The following MAPRE2 variants were observed in gnomAD, a reference collection of about 807,000 sequenced individuals.
The protein encoded by MAPRE2 is microtubule-associated protein RP/EB family member 2.
A neutral mutation model predicts 43.2 loss-of-function variants in MAPRE2; 13 were observed. That is an observed-to-expected ratio of 0.30 (90% CI 0.20 to 0.48). The LOEUF is 0.48. MAPRE2 is among the 20% of genes least tolerant of loss of function. The pLI is 0.99. For synonymous variants in MAPRE2, 135 were observed against 148.8 expected (o/e 0.91, Z 0.68); for missense variants, 161 against 400.2 (o/e 0.40, Z 5.10).
intron 1 of MAPRE2, among the ~76,000 whole-genome samples, chr18:35,051,298 C>T (rs1367998911): frequency 2.0e-5 from 3 of 152,106 alleles, no homozygotes; most frequent in Non-Finnish European, 1.5e-5. Flanking sequence ...AGAAGGGAAA[C>T]AGGACCAACA....
intron 1 of MAPRE2, chr18:34,978,529 CAG>C (rs1320361451): frequency 1.3e-6 from 2 of 1,551,662 alleles, no homozygotes; most frequent in Non-Finnish European, 8.7e-7. Context: ...TGAAACAGAA[CAG>C]AGATCAAAAG....
intron 2 of MAPRE2, among the ~76,000 whole-genome samples, chr18:35,029,903 G>C (rs1448366839): frequency 1.3e-5 from 2 of 152,206 alleles, no homozygotes; most frequent in African/African-American, 4.8e-5. Context: ...AATTATAACA[G>C]TCTTGGCATA....
chr18:34,997,504 TAGA>T (rs1166214940), intron 1 of MAPRE2, among the ~76,000 whole-genome samples: 1 of 152,174 alleles, frequency 6.6e-6, no homozygotes, highest in Non-Finnish European at 1.5e-5. Flanking sequence ...AGTGAACCTC[TAGA>T]AGAAGTAATA....
Position 35,140,550 on chromosome 18 carries a change from T to A in MAPRE2, c.*181T>A. On this transcript the variant is annotated 3_prime_UTR_variant, in exon 7 of 7. Transcript: ENST00000300249. The stretch of plus-strand genomic sequence containing the variant: ...TCCCATTTTCTTTGCCAAGGTGTAT[T>A]AGCGGACGGCCCTCTGGCCACCTAC... The A allele has an allele frequency of 1.6e-6, 1 of 624,240 alleles. No homozygotes were observed. Among genetic ancestry groups the A allele is most frequent in the Non-Finnish European group, 2.8e-6 (1 of 361,726 alleles). The allele number at this position is 624,240 out of a possible 1,614,324, so 38.7% of individuals were successfully genotyped here.
intron 1 of MAPRE2, among the ~76,000 whole-genome samples, chr18:35,066,398 C>G (rs1906840565): frequency 6.6e-6 from 1 of 152,118 alleles, no homozygotes; most frequent in South Asian, 2.1e-4. Flanking sequence ...TTTCTGCAGA[C>G]TAGGTAGGGA....
rs1306417700 is a variant in MAPRE2 at position 35,126,971 on chromosome 18, G to T, written c.634G>T (p.Ala212Ser). 6.2e-7 allele frequency: 1 copy of T among 1,613,898 alleles called. No individual in the cohort carries two copies. The highest frequency in any genetic ancestry group is 1.3e-5 in the African/African-American group (1 of 74,882). Residue 212 changes from alanine (A) to serine (S), a missense_variant, in exon 5 of 7, where the codon GCT becomes TCT. By Grantham distance (99) the Ala-to-Ser change is moderately conservative. Coordinates refer to ENST00000300249, the MANE Select transcript of MAPRE2 (RefSeq NM_014268.4). ...TAGAAKSSPA[A>S]KPGSTPSRPS... Reference sequence around the variant, plus strand: ...AGGTGCAGCTAAATCAAGTCCAGCAGCTAAACCAGGATCCACACCTTCTCG... The same window carrying T: ...AGGTGCAGCTAAATCAAGTCCAGCATCTAAACCAGGATCCACACCTTCTCG...
chr18:35,086,327 GA>G (rs1357515469), intron 2 of MAPRE2, among the ~76,000 whole-genome samples: 1 of 151,574 alleles, frequency 6.6e-6, no homozygotes, highest in Non-Finnish European at 1.5e-5. Flanking sequence ...CGATCAATAA[GA>G]TTATATATAG....
At chr18:34,994,878 A>G in intron 1 of MAPRE2, among the ~76,000 whole-genome samples, 1 of 152,140 alleles carries the variant, frequency 6.6e-6, no homozygotes. Context: ...AACCCAGGGG[A>G]TGATACCCCA....
upstream of MAPRE2, among the ~76,000 whole-genome samples, chr18:35,038,988 C>T (rs2097052102): frequency 6.6e-6 from 1 of 152,208 alleles, no homozygotes; most frequent in South Asian, 2.1e-4. Flanking sequence ...CCATCCCTTC[C>T]TTCATGAGCA....
chr18:35,033,723 A>G (rs2097048976), intron 2 of MAPRE2, among the ~76,000 whole-genome samples: 1 of 151,436 alleles, frequency 6.6e-6, no homozygotes, highest in Non-Finnish European at 1.5e-5. Flanking sequence ...CTAATAACAG[A>G]CAAACAGAGA....
intron 2 of MAPRE2, among the ~76,000 whole-genome samples, chr18:35,096,573 T>C (rs1908427511): frequency 6.8e-6 from 1 of 146,354 alleles, no homozygotes; most frequent in Non-Finnish European, 1.5e-5. Flanking sequence ...TCATGTTTCT[T>C]AGTCATAAAG....
At chr18:35,124,620 C>T (rs1373900717) in intron 4 of MAPRE2, among the ~76,000 whole-genome samples, 1 of 152,174 alleles carries the variant, frequency 6.6e-6, no homozygotes, top group African/African-American at 2.4e-5. Context: ...AGGCACTTAA[C>T]AAATATGTGT....
At chr18:35,037,913 G>A (rs920697285), upstream of MAPRE2, among the ~76,000 whole-genome samples, 2 of 152,310 alleles carry the variant, frequency 1.3e-5, 1 homozygote, top group East Asian at 3.9e-4. Context: ...ACAGGGTTGG[G>A]AGAGTAGGGG....
intron 4 of MAPRE2, among the ~76,000 whole-genome samples, chr18:35,124,185 TA>T (rs1431064124): frequency 6.6e-6 from 1 of 152,032 alleles, no homozygotes; most frequent in African/African-American, 2.4e-5. Context: ...TCAGAAAACT[TA>T]AAATTATGGC....
chr18:35,063,252 C>T (rs1488246103), intron 1 of MAPRE2, among the ~76,000 whole-genome samples: 3 of 152,018 alleles, frequency 2.0e-5, no homozygotes, highest in Admixed American at 6.5e-5. Flanking sequence ...TACAGGCGCA[C>T]ACCACCACGC....
chr18:35,050,767 AT>A (rs1905897837), intron 1 of MAPRE2, among the ~76,000 whole-genome samples: 1 of 152,104 alleles, frequency 6.6e-6, no homozygotes, highest in African/African-American at 2.4e-5. Context: ...AGGGAACTTA[AT>A]TGGGCAATAT....
At chr18:35,004,988 GT>G (rs2097031147) in intron 1 of MAPRE2, among the ~76,000 whole-genome samples, 1 of 151,686 alleles carries the variant, frequency 6.6e-6, no homozygotes, top group South Asian at 2.1e-4. Context: ...TTTTAAAGTC[GT>G]TTATAATGCT....
chr18:35,076,628 T>C (rs573643024), intron 2 of MAPRE2, among the ~76,000 whole-genome samples: 1 of 152,208 alleles, frequency 6.6e-6, no homozygotes, highest in Non-Finnish European at 1.5e-5. Flanking sequence ...GTAAAATGCA[T>C]GTGCTTTAGT....
At chr18:35,074,656 T>C in intron 2 of MAPRE2, among the ~76,000 whole-genome samples, 1 of 152,194 alleles carries the variant, frequency 6.6e-6, no homozygotes, top group Admixed American at 6.5e-5. Context: ...CTGGGTCCAA[T>C]GCTGGGTCAT....
Sources: allele counts gnomAD v4.1 joint callset (sites outside exome capture counted in the v4.1 genomes callset), GRCh38; gene constraint gnomAD v4.1.1; transcripts MANE v1.5; gene names NCBI Gene and HGNC (gene_info 2026-07-23, HGNC 2026-07-21).